Variants in ADAMTS18 observed in about 807,000 individuals in gnomAD.
The protein encoded by ADAMTS18 is A disintegrin and metalloproteinase with thrombospondin motifs 18.
In ADAMTS18, 157 loss-of-function variants were observed where a neutral mutation model predicts 165.9. The ratio of observed to expected loss-of-function variants is 0.95; its 90% CI spans 0.83 to 1.08. The LOEUF (loss-of-function observed/expected upper bound fraction) is 1.08, where lower values mean the gene tolerates loss of function less well. ADAMTS18 is among the 50% of genes least tolerant of loss of function. The pLI is 0.00. For missense variants in ADAMTS18, 2,040 were observed against 1,534.0 expected (o/e 1.33, Z -5.51); for synonymous variants, 782 against 578.2 (o/e 1.35, Z -5.06).
intron 17 of ADAMTS18, among the ~76,000 whole-genome samples, chr16:77,298,571 T>C (rs991815846): frequency 1.4e-4 from 22 of 152,056 alleles, no homozygotes; most frequent in African/African-American, 4.8e-4. Flanking sequence ...GAAGGCGGAC[T>C]GCTTGAGGCC....
rs76645489 is a variant in ADAMTS18 at position 77,323,049 on chromosome 16, G to A, written c.2033-583C>T. Among the ~76,000 whole-genome samples the A allele has an allele frequency of 5.5e-3, 840 of 152,128 alleles. 9 individuals carry two copies. The highest frequency in any genetic ancestry group is 0.019 in the African/African-American group (808 of 41,512). ...AAATGAAGAGAAAGCAAATAAACTC[G>A]TCCTGAAGGCTACAAAAAGGTAACT... On this transcript the variant is annotated intron_variant, in intron 13 of 22. Coordinates refer to ENST00000282849, the MANE Select transcript of ADAMTS18 (RefSeq NM_199355.4).
At position 77,283,277 on chromosome 16, in the gene ADAMTS18, T is replaced by C. The variant is rs1166340726; in HGVS notation, c.*679A>G. ...TCAATTACATGGAGATCTTAAACAG[T>C]CCATGTTGCCCTATTTTCATAATAT... On this transcript the variant is annotated 3_prime_UTR_variant, in exon 23 of 23. Transcript: ENST00000282849. 6.5e-6 allele frequency: 1 copy of C among 152,800 alleles called. No homozygotes were observed. The highest frequency in any genetic ancestry group is 1.5e-5 in the Non-Finnish European group (1 of 68,224). The allele number at this position is 152,800 out of a possible 1,614,324, so 9.5% of individuals were successfully genotyped here.
chr16:77,431,147 T>C (rs560123461), intron 3 of ADAMTS18, 148 bp downstream of exon 3: 111 of 823,128 alleles, frequency 1.3e-4, no homozygotes, highest in Admixed American at 2.3e-5. Flanking sequence ...CACATTAGAT[T>C]AATTCAATTG....
At chr16:77,363,271 C>A (rs896283049) in intron 6 of ADAMTS18, among the ~76,000 whole-genome samples, 1 of 152,090 alleles carries the variant, frequency 6.6e-6, no homozygotes, top group African/African-American at 2.4e-5. Flanking sequence ...AATCCAAGGA[C>A]AGTTAAATAT....
intron 16 of ADAMTS18, among the ~76,000 whole-genome samples, chr16:77,310,138 A>G (rs1430365107): frequency 6.6e-6 from 1 of 152,196 alleles, no homozygotes; most frequent in Non-Finnish European, 1.5e-5. Context: ...TCCTGGCTTC[A>G]GTGAAAGAAG....
chr16:77,401,915 C>T (rs1395992458), intron 3 of ADAMTS18, among the ~76,000 whole-genome samples: 1 of 152,192 alleles, frequency 6.6e-6, no homozygotes. Context: ...CAGCAGCCCC[C>T]ACATTCTCAG....
chr16:77,324,214 C>T (rs1438483050), intron 13 of ADAMTS18, among the ~76,000 whole-genome samples: 1 of 152,146 alleles, frequency 6.6e-6, no homozygotes, highest in Non-Finnish European at 1.5e-5. Context: ...GAAAGAACCA[C>T]AGGTAGGAAG....
At chr16:77,373,624 G>A (rs2056908572) in intron 3 of ADAMTS18, among the ~76,000 whole-genome samples, 1 of 152,048 alleles carries the variant, frequency 6.6e-6, no homozygotes, top group Admixed American at 6.5e-5. Context: ...ATACTGCTCA[G>A]GTGGTGATGG....
At position 77,283,759 on chromosome 16, in the gene ADAMTS18, T is replaced by C. The variant is rs1567448427; in HGVS notation, c.*197A>G. ...TCATCGCTTCCCATTTTCAAGTGCT[T>C]CAGAGTACCACGTGCTTCAGGGAAT... On this transcript the variant is annotated 3_prime_UTR_variant, in exon 23 of 23. Coordinates refer to ENST00000282849, the MANE Select transcript of ADAMTS18 (RefSeq NM_199355.4). The C allele has an allele frequency of 1.0e-5, 6 of 582,082 alleles. No individual in the cohort carries two copies. The highest frequency in any genetic ancestry group is 1.8e-5 in the Non-Finnish European group (6 of 325,834). The allele number at this position is 582,082 out of a possible 1,614,324, so 36.1% of individuals were successfully genotyped here. A position where few individuals can be genotyped will look rare whatever the true frequency, so the allele number is the denominator to read the frequency against.
chr16:77,404,027 ACCGTCCTC>A (rs2144815122), intron 3 of ADAMTS18, among the ~76,000 whole-genome samples: 1 of 98,246 alleles, frequency 1.0e-5, no homozygotes, highest in East Asian at 3.2e-4. Context: ...CTCCCTCCCT[ACCGTCCTC>A]CCTTCCTCCC....
chr16:77,421,308 T>A (rs1469177292), intron 3 of ADAMTS18, among the ~76,000 whole-genome samples: 1 of 152,224 alleles, frequency 6.6e-6, no homozygotes, highest in Non-Finnish European at 1.5e-5. Context: ...TGCCCTGTAA[T>A]TGGATAGAAA....
intron 3 of ADAMTS18, among the ~76,000 whole-genome samples, chr16:77,408,683 A>G (rs2057422766): frequency 6.6e-6 from 1 of 152,190 alleles, no homozygotes; most frequent in African/African-American, 2.4e-5. Flanking sequence ...TCATGGTAGC[A>G]ATTATGTCTG....
intron 11 of ADAMTS18, among the ~76,000 whole-genome samples, chr16:77,337,049 A>T (rs952719749): frequency 6.6e-6 from 1 of 152,204 alleles, no homozygotes; most frequent in Admixed American, 6.5e-5. Flanking sequence ...CTTGGTTGCT[A>T]GCGCACTCTA....
rs1451942186 is a variant in ADAMTS18 at position 77,283,872 on chromosome 16, A to C, written c.*84T>G. 1.3e-5 allele frequency: 14 copies of C among 1,066,354 alleles called. No homozygotes were observed. Among genetic ancestry groups the C allele is most frequent in the Non-Finnish European group, 1.7e-5 (12 of 686,536 alleles). The allele number at this position is 1,066,354 out of a possible 1,614,324, so 66.1% of individuals were successfully genotyped here. On this transcript the variant is annotated 3_prime_UTR_variant, in exon 23 of 23. Transcript: ENST00000282849. ...AGCTCACAGATGGTTCTCGGTGCTC[A>C]GCTCCTGGTCTCAAAGGCAGCTGGT...
intron 22 of ADAMTS18, among the ~76,000 whole-genome samples, chr16:77,286,883 A>G (rs1169461949): frequency 6.6e-6 from 1 of 152,200 alleles, no homozygotes; most frequent in Admixed American, 6.5e-5. Flanking sequence ...TATGTATAAT[A>G]TGTACAGTGC....
chr16:77,350,816 G>A (rs1286738443), intron 10 of ADAMTS18, among the ~76,000 whole-genome samples: 3 of 152,028 alleles, frequency 2.0e-5, no homozygotes, highest in Non-Finnish European at 2.9e-5. Context: ...AGGTCTTGCC[G>A]ATACACTGCA....
intron 2 of ADAMTS18, 44 bp from the exon 3 acceptor site, chr16:77,431,655 T>A: frequency 6.3e-7 from 1 of 1,598,120 alleles, no homozygotes. Flanking sequence ...GAGCCCACAA[T>A]TCCAAATGGT....
intron 8 of ADAMTS18, among the ~76,000 whole-genome samples, chr16:77,357,232 CTT>C (rs550205273): frequency 1.3e-5 from 2 of 151,912 alleles, no homozygotes; most frequent in African/African-American, 2.4e-5. Context: ...AAAGATATGA[CTT>C]TTTTTGTGAC....
chr16:77,345,277 C>G (rs1006388898), intron 10 of ADAMTS18, among the ~76,000 whole-genome samples: 3 of 152,168 alleles, frequency 2.0e-5, no homozygotes, highest in African/African-American at 7.2e-5. Context: ...TCTTCATTGG[C>G]TCCTCCAAAC....
Sources: allele counts gnomAD v4.1 joint callset (sites outside exome capture counted in the v4.1 genomes callset), GRCh38; gene constraint gnomAD v4.1.1; transcripts MANE v1.5; gene names NCBI Gene and HGNC (gene_info 2026-07-23, HGNC 2026-07-21).